Variants in SMPX observed in about 807,000 individuals in gnomAD.
SMPX encodes the protein small muscle protein X-linked.
A neutral mutation model predicts 6.3 loss-of-function variants in SMPX; 2 were observed. The observed-to-expected ratio is 0.32, with a 90% CI of 0.13 to 0.99. The LOEUF (loss-of-function observed/expected upper bound fraction) is 0.99. Among genes scored for constraint, SMPX ranks in the 50% least tolerant of loss-of-function variants. The probability of loss-of-function intolerance (pLI) is 0.49; values close to 1 mark genes in which losing one functional copy is unlikely to be tolerated. For missense variants in SMPX, 60 were observed against 66.8 expected, an observed-to-expected ratio of 0.90 and a Z score of 0.36; for synonymous variants, 32 against 24.7, an observed-to-expected ratio of 1.30 and a Z score of -0.88.
At chrX:21,723,928 T>C (rs1181285305) in intron 4 of SMPX, among the ~76,000 whole-genome samples, 2 of 112,223 alleles carry the variant, frequency 1.8e-5, no homozygotes, top group Non-Finnish European at 3.8e-5. Flanking sequence ...CATTATCAGC[T>C]GTTTTGTCTT....
intron 2 of SMPX, among the ~76,000 whole-genome samples, chrX:21,746,650 G>GTTTTTT (rs11420880): frequency 1.2e-5 from 1 of 86,426 alleles, no homozygotes; most frequent in Admixed American, 1.3e-4. Flanking sequence ...ACTTAAATGG[G>GTTTTTT]TTTTTTTTTT....
chrX:21,731,700 A>ATG (rs2092805038), intron 4 of SMPX, among the ~76,000 whole-genome samples: 1 of 26,326 alleles, frequency 3.8e-5, no homozygotes, highest in Non-Finnish European at 6.1e-5. Context: ...GTACACATAA[A>ATG]TGTGTATATG....
chrX:21,715,303 TGCGCGCACGC>T (rs1198859773), intron 4 of SMPX, among the ~76,000 whole-genome samples: 115 of 86,077 alleles, frequency 1.3e-3, no homozygotes, highest in African/African-American at 6.4e-3. Context: ...TGTGTGTGTG[TGCGCGCACGC>T]GCGCGCGCTC....
At chrX:21,736,764 C>A (rs763685592) in intron 4 of SMPX, among the ~76,000 whole-genome samples, 6 of 110,892 alleles carry the variant, frequency 5.4e-5, no homozygotes, top group Non-Finnish European at 1.1e-4. Context: ...TTGTACATTG[C>A]GGGCTTAGTA....
At chrX:21,738,150 CACG>C (rs760136807) in intron 3 of SMPX, among the ~76,000 whole-genome samples, 67 of 112,130 alleles carry the variant, frequency 6.0e-4, no homozygotes, top group African/African-American at 2.1e-3. Context: ...TGAATATGGG[CACG>C]ACAAGACAGA....
intron 4 of SMPX, chrX:21,733,655 C>T: frequency 3.1e-6 from 1 of 320,651 alleles, no homozygotes; most frequent in Non-Finnish European, 6.0e-6. Flanking sequence ...TTAGGTTTTA[C>T]CTTTGCTAAT....
chrX:21,715,301 TGTGCGCGCACGC>T lies in SMPX; in HGVS notation c.*15-8919_*15-8908del, dbSNP rs1422676619. On this transcript the variant is annotated intron_variant, in intron 4 of 4. Transcript: ENST00000379494. ...GTGTGTGTGTGTGTGTGTGTGTGTG[TGTGCGCGCACGC>T]GCGCGCGCTCGCGCGCTGGTGGGGG... Among the ~76,000 whole-genome samples the T allele has an allele frequency of 2.4e-3, 211 of 87,609 alleles. 2 individuals carry two copies. Among genetic ancestry groups the T allele is most frequent in the African/African-American group, 0.013 (204 of 15,792 alleles). 76.1% of individuals were successfully genotyped at this position (87,609 alleles called of 115,157 possible). A position where few individuals can be genotyped will look rare whatever the true frequency, so the allele number is the denominator to read the frequency against.
At chrX:21,731,462 G>A (rs1343179159) in intron 4 of SMPX, among the ~76,000 whole-genome samples, 1 of 84,787 alleles carries the variant, frequency 1.2e-5, no homozygotes, top group Non-Finnish European at 2.4e-5. Context: ...CATAATGTGT[G>A]TATGTGTACA....
At chrX:21,722,225 T>C (rs928444882) in intron 4 of SMPX, among the ~76,000 whole-genome samples, 3 of 112,122 alleles carry the variant, frequency 2.7e-5, no homozygotes, top group Non-Finnish European at 5.6e-5. Flanking sequence ...GGTCCTGTCG[T>C]TTCTTGGACT....
chrX:21,746,727 T>C (rs902987260), intron 2 of SMPX, among the ~76,000 whole-genome samples: 1 of 104,412 alleles, frequency 9.6e-6, no homozygotes. Flanking sequence ...CATTCGATCA[T>C]AATGTGCACC....
chrX:21,706,024 G>T lies in SMPX; in HGVS notation c.*385C>A. ...TATTTGAACTCATACAAAGTTTAGT[G>T]ACATAATTTAAAAGGTGAAGAACTA... On this transcript the variant is annotated 3_prime_UTR_variant, in exon 5 of 5. Coordinates refer to ENST00000379494, the MANE Select transcript of SMPX (RefSeq NM_014332.3). The T allele has an allele frequency of 2.0e-6, 1 of 493,650 alleles. No homozygotes were observed. The highest frequency in any genetic ancestry group is 2.7e-5 in the South Asian group (1 of 36,585). The allele number at this position is 493,650 out of a possible 1,213,427, so 40.7% of individuals were successfully genotyped here.
intron 4 of SMPX, among the ~76,000 whole-genome samples, chrX:21,731,356 G>A (rs760964488): frequency 2.9e-5 from 3 of 103,581 alleles, no homozygotes; most frequent in Admixed American, 1.0e-4. Context: ...CTCTGCTGTT[G>A]TTGGGCAGTG....
intron 2 of SMPX, among the ~76,000 whole-genome samples, chrX:21,751,478 T>C (rs149721155): frequency 1.8e-5 from 2 of 112,128 alleles, no homozygotes; most frequent in East Asian, 5.6e-4. Context: ...ATAGTAATCC[T>C]ATGAGATAAA....
intron 4 of SMPX, among the ~76,000 whole-genome samples, chrX:21,731,667 T>C (rs758424818): frequency 8.3e-5 from 8 of 96,368 alleles, no homozygotes; most frequent in South Asian, 5.0e-4. Context: ...TGTATGTGTA[T>C]GTGTACACAT....
chrX:21,739,131 C>T (rs1295534991), intron 3 of SMPX, among the ~76,000 whole-genome samples: 2 of 111,344 alleles, frequency 1.8e-5, no homozygotes. Context: ...CCCCCACCAG[C>T]AGCCCTGTCA....
intron 4 of SMPX, among the ~76,000 whole-genome samples, chrX:21,718,386 T>C (rs944059484): frequency 8.9e-6 from 1 of 112,360 alleles, no homozygotes; most frequent in Non-Finnish European, 1.9e-5. Context: ...CCTTGTCCAT[T>C]AGCAAAGGCC....
At chrX:21,741,476 G>C (rs1825297316) in intron 3 of SMPX, among the ~76,000 whole-genome samples, 1 of 110,486 alleles carries the variant, frequency 9.1e-6, no homozygotes, top group African/African-American at 3.3e-5. Flanking sequence ...AATGTGGCTG[G>C]GGCCTGAAGC....
intron 2 of SMPX, among the ~76,000 whole-genome samples, chrX:21,746,989 T>C (rs951239087): frequency 1.8e-5 from 2 of 112,001 alleles, no homozygotes; most frequent in East Asian, 2.8e-4. Context: ...GCTGACTTAC[T>C]CTGTGTTTAA....
chrX:21,717,843 GA>G (rs1350871857), intron 4 of SMPX, among the ~76,000 whole-genome samples: 4 of 112,420 alleles, frequency 3.6e-5, no homozygotes, highest in Admixed American at 1.9e-4. Flanking sequence ...GAGTTAGCCA[GA>G]TAATGAATAC....
Sources: allele counts gnomAD v4.1 joint callset (sites outside exome capture counted in the v4.1 genomes callset), GRCh38; gene constraint gnomAD v4.1.1; transcripts MANE v1.5; gene names NCBI Gene and HGNC (gene_info 2026-07-23, HGNC 2026-07-21).